The following ATP8A1 variants were observed in gnomAD, a reference collection of about 807,000 sequenced individuals.
ATP8A1 encodes the protein phospholipid-transporting ATPase IA.
ATP8A1 carries 90 observed loss-of-function variants against 177.7 expected under a neutral mutation model. The ratio of observed to expected loss-of-function variants is 0.51; its 90% confidence interval spans 0.43 to 0.60. The LOEUF is 0.60. Ranked by LOEUF, ATP8A1 falls within the 20% of genes least tolerant of loss-of-function variation. ATP8A1 has a pLI of 0.00. For synonymous variants in ATP8A1, 493 were observed against 485.9 expected (o/e 1.01, Z -0.19); for missense variants, 1,072 against 1,392.8 (o/e 0.77, Z 3.67).
intron 33 of ATP8A1, among the ~76,000 whole-genome samples, chr4:42,432,703 C>G (rs1338377164): frequency 1.3e-5 from 2 of 152,130 alleles, no homozygotes; most frequent in Non-Finnish European, 2.9e-5. Flanking sequence ...TCATATGAAC[C>G]TTGGCATGAA....
chr4:42,440,919 A>G (rs201375715), intron 33 of ATP8A1, among the ~76,000 whole-genome samples: 14 of 4,380 alleles, frequency 3.2e-3, no homozygotes, highest in African/African-American at 3.7e-3. Flanking sequence ...ACTTACGTAC[A>G]TAATTAATTA....
At chr4:42,532,296 C>CCAA (rs1431542955) in intron 20 of ATP8A1, among the ~76,000 whole-genome samples, 1 of 152,000 alleles carries the variant, frequency 6.6e-6, no homozygotes, top group Non-Finnish European at 1.5e-5. Flanking sequence ...ACCAGCCTGG[C>CCAA]CAACATGGTG....
intron 6 of ATP8A1, among the ~76,000 whole-genome samples, chr4:42,596,365 C>G (rs951761350): frequency 2.0e-5 from 3 of 152,106 alleles, no homozygotes; most frequent in Admixed American, 6.5e-5. Context: ...ACTGCAATAG[C>G]CTGATTTAAA....
chr4:42,431,718 A>G (rs1196020040), intron 33 of ATP8A1, among the ~76,000 whole-genome samples: 4 of 152,198 alleles, frequency 2.6e-5, no homozygotes, highest in Non-Finnish European at 5.9e-5. Flanking sequence ...TCCTGGTAGC[A>G]TAACTCTTCA....
At chr4:42,492,849 A>G (rs1722863824) in intron 24 of ATP8A1, among the ~76,000 whole-genome samples, 1 of 152,274 alleles carries the variant, frequency 6.6e-6, no homozygotes, top group South Asian at 2.1e-4. Context: ...ACATAAGTTC[A>G]GGAAGCCTGT....
In ATP8A1 at chr4:42,552,270, C is replaced by T. The variant is rs548613128; in HGVS notation, c.1519+235G>A. On this transcript the variant is annotated intron_variant, in intron 17 of 36. Transcript: ENST00000381668. The stretch of plus-strand genomic sequence containing the variant: ...GTACATTTTTCACTTATGAGAATTA[C>T]GTTATTCACATTTTCATGTAACTTA... 1.5e-4 allele frequency among the ~76,000 whole-genome samples: 23 copies of T among 152,232 alleles called. No homozygotes were observed. The South Asian group carries it at 1.7e-3, about 11-fold the overall frequency.
At chr4:42,463,265 G>A (rs1371068562) in intron 27 of ATP8A1, among the ~76,000 whole-genome samples, 5 of 152,188 alleles carry the variant, frequency 3.3e-5, no homozygotes, top group African/African-American at 1.2e-4. Context: ...TGTTGTGGGA[G>A]GGACCCAGTG....
At chr4:42,519,310 G>A (rs1725879125) in intron 22 of ATP8A1, among the ~76,000 whole-genome samples, 1 of 152,064 alleles carries the variant, frequency 6.6e-6, no homozygotes, top group Admixed American at 6.5e-5. Flanking sequence ...CCCCAGGCTG[G>A]TCTCAAACTC....
At chr4:42,575,780 A>G in intron 12 of ATP8A1, 81 bp from the exon 13 acceptor site, 1 of 1,143,496 alleles carries the variant, frequency 8.7e-7, no homozygotes, top group South Asian at 1.3e-5. Context: ...CAATTAGTAT[A>G]TTCGTACTTC....
chr4:42,578,181 C>T, intron 12 of ATP8A1, 79 bp downstream of exon 12: 1 of 1,354,200 alleles, frequency 7.4e-7, no homozygotes, highest in Non-Finnish European at 9.8e-7. Context: ...TAATTAAAAC[C>T]TTTTTTCTCC....
Position 42,625,696 on chromosome 4 carries a change from A to G in ATP8A1, c.182T>C (p.Ile61Thr). Reference protein sequence around the residue: ...NNHVSTAKYNIITFLPRFLYS... With the variant: ...NNHVSTAKYNTITFLPRFLYS... ...GAGAAATCTTGGAAGGAATGTGATT[A>G]TGTTGTATTTTGCAGTGCTAGAAAA... is the stretch of plus-strand genomic sequence containing the variant. Residue 61 changes from isoleucine (I) to threonine (T), a missense_variant, in exon 3 of 37, where the codon ATA becomes ACA. By Grantham distance (89) the Ile-to-Thr change is moderately conservative. Around this residue, in one of 5 missense-constraint regions of ATP8A1, gnomAD observed 344 missense variants for 393.5 expected, o/e 0.87. Coordinates refer to ENST00000381668, the MANE Select transcript of ATP8A1 (RefSeq NM_006095.2). 6.2e-7 allele frequency: 1 copy of G among 1,603,014 alleles called. No individual in the cohort carries two copies. The highest frequency in any genetic ancestry group is 1.1e-5 in the South Asian group (1 of 88,652).
chr4:42,424,144 C>T (rs778683553), intron 33 of ATP8A1, among the ~76,000 whole-genome samples: 1 of 151,912 alleles, frequency 6.6e-6, no homozygotes, highest in Non-Finnish European at 1.5e-5. Flanking sequence ...GGTATTGGTG[C>T]ATACCTGTTA....
chr4:42,408,892 T>C lies in ATP8A1; in HGVS notation c.*4024A>G, dbSNP rs761547767. The C allele has an allele frequency of 3.3e-5, 5 of 152,200 alleles. No individual in the cohort carries two copies. The highest frequency in any genetic ancestry group is 1.3e-4 in the Admixed American group (2 of 15,282). The allele number at this position is 152,200 out of a possible 1,614,324, so 9.4% of individuals were successfully genotyped here. A position where few individuals can be genotyped will look rare whatever the true frequency, so the allele number is the denominator to read the frequency against. ...CAAGAACAGATTTACCTGTGGAAAG[T>C]TGCTGTTAATTCAAAGTAAGCAAAT... On this transcript the variant is annotated 3_prime_UTR_variant, in exon 37 of 37. Coordinates refer to ENST00000381668, the MANE Select transcript of ATP8A1 (RefSeq NM_006095.2).
intron 14 of ATP8A1, among the ~76,000 whole-genome samples, chr4:42,571,194 C>T (rs891661942): frequency 6.6e-6 from 1 of 152,120 alleles, no homozygotes; most frequent in Non-Finnish European, 1.5e-5. Flanking sequence ...CGTGGTGAGT[C>T]TCTTCTTGGG....
At chr4:42,598,138 G>A (rs1203192705) in intron 6 of ATP8A1, among the ~76,000 whole-genome samples, 1 of 151,794 alleles carries the variant, frequency 6.6e-6, no homozygotes, top group Non-Finnish European at 1.5e-5. Flanking sequence ...TATTTATTAA[G>A]GCCTTTATTC....
chr4:42,592,488 A>T (rs1734282553), intron 6 of ATP8A1, among the ~76,000 whole-genome samples: 1 of 152,200 alleles, frequency 6.6e-6, no homozygotes, highest in African/African-American at 2.4e-5. Context: ...ATCAAAAATA[A>T]AAATTGTATT....
rs139489477 is a variant in ATP8A1, at chr4:42,512,661, T to A, written c.1948-5507A>T. ...CCCTGACTGCCTGGTTGTCATCAAGTCCCAAGTAATTAATTAGCCACCAGG... is the reference window on the plus strand; with the variant it reads ...CCCTGACTGCCTGGTTGTCATCAAGACCCAAGTAATTAATTAGCCACCAGG... On this transcript the variant is annotated intron_variant, in intron 22 of 36. Coordinates refer to ENST00000381668, the MANE Select transcript of ATP8A1 (RefSeq NM_006095.2). 2.1e-3 allele frequency among the ~76,000 whole-genome samples: 324 copies of A among 152,306 alleles called. 1 individual carries two copies. The highest frequency in any genetic ancestry group is 7.6e-3 in the African/African-American group (315 of 41,556).
rs2153164613 is a variant in ATP8A1, at chr4:42,411,083, C to T, written c.*1833G>A. The T allele has an allele frequency of 6.6e-6, 1 of 152,262 alleles. No individual in the cohort carries two copies. The highest frequency in any genetic ancestry group is 2.1e-4 in the South Asian group (1 of 4,826). The allele number at this position is 152,262 out of a possible 1,614,324, so 9.4% of individuals were successfully genotyped here. A position where few individuals can be genotyped will look rare whatever the true frequency, so the allele number is the denominator to read the frequency against. ...GATCTTAGACTCTTACACCTGTGGT[C>T]TTGCTAGATGTGTTGATTCATGACT... On this transcript the variant is annotated 3_prime_UTR_variant, in exon 37 of 37. Transcript: ENST00000381668.
chr4:42,453,435 G>A (rs771814051), intron 29 of ATP8A1, among the ~76,000 whole-genome samples: 3 of 152,230 alleles, frequency 2.0e-5, no homozygotes, highest in African/African-American at 7.2e-5. Flanking sequence ...ACACTCAAAT[G>A]GGTATAGAAA....
Sources: gnomAD v4.1 joint callset for allele counts (sites outside exome capture counted in the v4.1 genomes callset) on GRCh38, gnomAD v4.1.1 for gene constraint, gnomAD v4.1.1 regional missense constraint, MANE v1.5 for transcripts, NCBI Gene and HGNC (gene_info 2026-07-23, HGNC 2026-07-21) for gene names.